ESRRB: variants seen among roughly 807,000 people sequenced by gnomAD.
The protein encoded by ESRRB is steroid hormone receptor ERR2.
In ESRRB, 16 loss-of-function variants were observed where a neutral mutation model predicts 46.0. That is an observed-to-expected ratio of 0.35 (90% CI 0.24 to 0.53). ESRRB has a LOEUF of 0.53. ESRRB is among the 20% of genes least tolerant of loss of function. The pLI is 0.93. For missense variants in ESRRB, 488 were observed against 607.4 expected (o/e 0.80, Z 2.07); for synonymous variants, 246 against 259.6 (o/e 0.95, Z 0.50).
chr14:76,456,078 A>AC (rs1566908051), intron 2 of ESRRB, among the ~76,000 whole-genome samples: 22 of 141,746 alleles, frequency 1.6e-4, no homozygotes, highest in African/African-American at 4.5e-4. Flanking sequence ...ACACACACAC[A>AC]AAAGAAAGAA....
At chr14:76,426,121 G>A (rs1042285002) in intron 1 of ESRRB, among the ~76,000 whole-genome samples, 25 of 152,242 alleles carry the variant, frequency 1.6e-4, no homozygotes, top group Admixed American at 6.5e-5. Flanking sequence ...TGGTGAGGGC[G>A]TTTGGCAGGT....
intron 1 of ESRRB, among the ~76,000 whole-genome samples, 169 bp from the exon 2 acceptor site, chr14:76,439,163 TGCCAGAAAC>T (rs1887800159): frequency 2.0e-5 from 3 of 152,198 alleles, no homozygotes; most frequent in Admixed American, 2.0e-4. Context: ...TTGGAGGTAA[TGCCAGAAAC>T]TTGCTCCCGG....
intron 2 of ESRRB, among the ~76,000 whole-genome samples, chr14:76,455,002 C>T (rs112441383): frequency 0.055 from 8,268 of 151,440 alleles, 723 homozygotes; most frequent in African/African-American, 0.19. Flanking sequence ...CTGGCCAACA[C>T]GGTGAGGAGT....
chr14:76,419,667 G>A (rs1489304397), intron 1 of ESRRB, among the ~76,000 whole-genome samples: 1 of 152,204 alleles, frequency 6.6e-6, no homozygotes, highest in East Asian at 1.9e-4. Context: ...AACTTGGCAG[G>A]AAGCACTTTG....
chr14:76,461,011 A>G (rs1028535407), intron 2 of ESRRB, among the ~76,000 whole-genome samples: 8 of 151,718 alleles, frequency 5.3e-5, no homozygotes, highest in African/African-American at 9.7e-5. Flanking sequence ...GGCCACTCCA[A>G]TTGCATTTCT....
rs1204025461 is a variant in ESRRB at position 76,482,541 on chromosome 14, A to G, written c.689-57A>G. ...TGCTTCCTGACCCATCTGAGCCTCC[A>G]CCCCGGCCCCTTTCCTCTTTTCCCA... On this transcript the variant is annotated intron_variant, in intron 4 of 6. Coordinates refer to ENST00000644823, the MANE Select transcript of ESRRB (RefSeq NM_001379180.1). This position sits in a 1 kb window ranked among gnomAD's most constrained non-coding sequence, Gnocchi z 4.3. 2.1e-5 allele frequency: 34 copies of G among 1,604,442 alleles called. No individual in the cohort carries two copies. Among genetic ancestry groups the G allele is most frequent in the Non-Finnish European group, 2.7e-5 (32 of 1,172,102 alleles).
chr14:76,435,398 G>C (rs1016702260), intron 1 of ESRRB, among the ~76,000 whole-genome samples: 4 of 152,268 alleles, frequency 2.6e-5, no homozygotes, highest in African/African-American at 9.6e-5. Flanking sequence ...TTGTTCCTAT[G>C]AAAGTATGAG....
chr14:76,325,373 A>G (rs1373418623), intron 1 of ESRRB, among the ~76,000 whole-genome samples: 1 of 152,036 alleles, frequency 6.6e-6, no homozygotes, highest in Non-Finnish European at 1.5e-5. Context: ...AGGAGTGGGG[A>G]GAGAAAGGGA....
At chr14:76,468,446 C>T (rs1889221301) in intron 3 of ESRRB, among the ~76,000 whole-genome samples, 1 of 141,420 alleles carries the variant, frequency 7.1e-6, no homozygotes, top group South Asian at 2.5e-4. Context: ...TACCTGACAG[C>T]TCACAGGATC....
intron 1 of ESRRB, among the ~76,000 whole-genome samples, chr14:76,362,526 C>T (rs558945082): frequency 3.3e-4 from 51 of 152,322 alleles, no homozygotes; most frequent in African/African-American, 1.2e-3. Context: ...GCAAAGGACA[C>T]CGAACAGGAA....
chr14:76,473,590 A>C (rs1889456941), intron 3 of ESRRB, among the ~76,000 whole-genome samples: 1 of 152,212 alleles, frequency 6.6e-6, no homozygotes, highest in Admixed American at 6.5e-5. Context: ...TAAAAGAAAG[A>C]AGCTTAAAGT....
intron 3 of ESRRB, among the ~76,000 whole-genome samples, chr14:76,473,788 C>T (rs920500768): frequency 2.0e-5 from 3 of 152,222 alleles, no homozygotes; most frequent in African/African-American, 4.8e-5. Context: ...TATCCAATCC[C>T]GGATGTGTAA....
At chr14:76,337,967 C>T (rs542804639) in intron 1 of ESRRB, among the ~76,000 whole-genome samples, 2 of 152,326 alleles carry the variant, frequency 1.3e-5, no homozygotes, top group South Asian at 2.1e-4. Context: ...TTCCTGCAGC[C>T]GCCTGTCTCT....
intron 6 of ESRRB, among the ~76,000 whole-genome samples, chr14:76,492,309 A>G (rs1017786780): frequency 3.3e-5 from 5 of 152,162 alleles, no homozygotes; most frequent in Admixed American, 3.3e-4. Context: ...AACTACAGGC[A>G]TGTGCCATTA....
intron 1 of ESRRB, among the ~76,000 whole-genome samples, chr14:76,362,190 G>A (rs1884472528): frequency 6.6e-6 from 1 of 152,206 alleles, no homozygotes; most frequent in African/African-American, 2.4e-5. Flanking sequence ...GCTAGGCACG[G>A]TGCAAAGTGC....
chr14:76,401,828 G>GTA (rs927156834), intron 1 of ESRRB, among the ~76,000 whole-genome samples: 9 of 151,426 alleles, frequency 5.9e-5, no homozygotes, highest in Admixed American at 2.0e-4. Flanking sequence ...GACTGTGTGT[G>GTA]TATATATCCT....
intron 1 of ESRRB, among the ~76,000 whole-genome samples, chr14:76,328,015 T>C (rs1705918045): frequency 6.6e-6 from 1 of 152,120 alleles, no homozygotes; most frequent in Admixed American, 6.5e-5. Flanking sequence ...TGCCCGGCCA[T>C]ACCTGTGCTT....
intron 1 of ESRRB, among the ~76,000 whole-genome samples, chr14:76,324,561 G>A (rs1372070289): frequency 6.6e-6 from 1 of 152,192 alleles, no homozygotes. Context: ...CTCTCTCCAG[G>A]TTGAGCCCAT....
At chr14:76,463,663 G>C (rs1888986082) in intron 3 of ESRRB, among the ~76,000 whole-genome samples, 1 of 151,748 alleles carries the variant, frequency 6.6e-6, no homozygotes, top group Non-Finnish European at 1.5e-5. Flanking sequence ...TAGCCAGGAT[G>C]GTCTCGATTT....
Sources: allele counts gnomAD v4.1 joint callset (sites outside exome capture counted in the v4.1 genomes callset), GRCh38; gene constraint gnomAD v4.1.1; non-coding constraint Gnocchi (gnomAD v3.1); transcripts MANE v1.5; gene names NCBI Gene and HGNC (gene_info 2026-07-23, HGNC 2026-07-21).